The following RIMS1 variants were observed in gnomAD, a reference collection of about 807,000 sequenced individuals.
RIMS1 encodes the protein regulating synaptic membrane exocytosis 1.
A neutral mutation model predicts 214.1 loss-of-function variants in RIMS1; 83 were observed. The observed-to-expected ratio is 0.39, with a 90% CI of 0.32 to 0.47. The LOEUF is 0.47. RIMS1 is among the 20% of genes least tolerant of loss of function. The probability of loss-of-function intolerance (pLI) is 0.99; values close to 1 mark genes in which losing one functional copy is unlikely to be tolerated. For synonymous variants in RIMS1, 793 were observed against 786.8 expected (o/e 1.01, Z -0.13); for missense variants, 2,050 against 2,161.8 (o/e 0.95, Z 1.03).
At chr6:72,004,331 T>C (rs550838494) in intron 2 of RIMS1, among the ~76,000 whole-genome samples, 2 of 152,202 alleles carry the variant, frequency 1.3e-5, no homozygotes, top group Non-Finnish European at 2.9e-5. Flanking sequence ...AATAAACATA[T>C]ATGTGCATGT....
At chr6:72,303,283 T>C (rs2094817199) in intron 26 of RIMS1, among the ~76,000 whole-genome samples, 1 of 150,710 alleles carries the variant, frequency 6.6e-6, no homozygotes, top group Non-Finnish European at 1.5e-5. Context: ...TTTAAAGTCA[T>C]AGGCCTTTTA....
intron 6 of RIMS1, among the ~76,000 whole-genome samples, chr6:72,210,814 C>G (rs2053674472): frequency 6.6e-6 from 1 of 152,128 alleles, no homozygotes; most frequent in Non-Finnish European, 1.5e-5. Flanking sequence ...GAGGCACAGA[C>G]CTGTTCTATG....
At chr6:72,131,143 A>G (rs2040366387) in intron 4 of RIMS1, among the ~76,000 whole-genome samples, 1 of 152,136 alleles carries the variant, frequency 6.6e-6, no homozygotes, top group South Asian at 2.1e-4. Flanking sequence ...TCAAACTGTG[A>G]TTGGAAAGGA....
chr6:71,891,766 G>A (rs1490900611), intron 1 of RIMS1, among the ~76,000 whole-genome samples: 1 of 152,114 alleles, frequency 6.6e-6, no homozygotes, highest in East Asian at 1.9e-4. Flanking sequence ...AACCAGTGTG[G>A]GCTGGATGTG....
Position 72,179,556 on chromosome 6 carries a change from T to C in RIMS1, c.472-19T>C. Reference sequence around the variant, plus strand: ...CAAGAGGGCATAAAAATTTATATTGTTCTTTCTTCTTCAAATAGGTTATGT... The same window carrying C: ...CAAGAGGGCATAAAAATTTATATTGCTCTTTCTTCTTCAAATAGGTTATGT... On this transcript the variant is annotated intron_variant, in intron 4 of 33. Transcript: ENST00000521978. 1 of 1,580,698 alleles carries C rather than the reference T, an allele frequency of 6.3e-7. No individual in the cohort carries two copies. The highest frequency in any genetic ancestry group is 8.7e-7 in the Non-Finnish European group (1 of 1,155,244).
chr6:71,891,663 A>T (rs1404024033), intron 1 of RIMS1, among the ~76,000 whole-genome samples: 1 of 152,208 alleles, frequency 6.6e-6, no homozygotes, highest in African/African-American at 2.4e-5. Flanking sequence ...TATTTTCATT[A>T]GGGTTTGAAA....
At chr6:71,908,823 G>C (rs75110583) in intron 1 of RIMS1, among the ~76,000 whole-genome samples, 3,316 of 152,012 alleles carry the variant, frequency 0.022, 118 homozygotes, top group African/African-American at 0.074. Flanking sequence ...ATATATTTTT[G>C]TTTAGAAAAT....
intron 26 of RIMS1, among the ~76,000 whole-genome samples, chr6:72,293,900 T>C (rs903298374): frequency 2.0e-5 from 3 of 151,718 alleles, no homozygotes; most frequent in Admixed American, 2.0e-4. Context: ...ATTGGTGGAG[T>C]TACTTTGATA....
intron 2 of RIMS1, among the ~76,000 whole-genome samples, chr6:72,069,505 T>C (rs1830097447): frequency 6.6e-6 from 1 of 152,216 alleles, no homozygotes; most frequent in South Asian, 2.1e-4. Flanking sequence ...GTGGCAAAGG[T>C]AAATGAAAAA....
chr6:72,199,425 T>C (rs1392101419), intron 6 of RIMS1, among the ~76,000 whole-genome samples: 1 of 152,086 alleles, frequency 6.6e-6, no homozygotes, highest in African/African-American at 2.4e-5. Flanking sequence ...TCTAGGGTAT[T>C]TAGATGTAAT....
At chr6:72,234,199 C>T (rs748452365) in intron 7 of RIMS1, among the ~76,000 whole-genome samples, 3 of 151,608 alleles carry the variant, frequency 2.0e-5, no homozygotes, top group Non-Finnish European at 4.4e-5. Flanking sequence ...ATTTGCCAAC[C>T]ACTTTAAGAA....
intron 2 of RIMS1, among the ~76,000 whole-genome samples, chr6:72,054,092 A>G (rs899877625): frequency 3.3e-5 from 5 of 151,748 alleles, no homozygotes; most frequent in Admixed American, 3.3e-4. Context: ...CCACCCCCCA[A>G]ACTGGCCCTG....
chr6:72,311,710 G>C (rs2095520353), intron 27 of RIMS1, among the ~76,000 whole-genome samples: 1 of 152,070 alleles, frequency 6.6e-6, no homozygotes. Flanking sequence ...GAGAGGTAAA[G>C]AAATAAAAAT....
At chr6:72,279,208 A>G (rs1447441606) in intron 23 of RIMS1, among the ~76,000 whole-genome samples, 1 of 152,028 alleles carries the variant, frequency 6.6e-6, no homozygotes, top group Non-Finnish European at 1.5e-5. Flanking sequence ...AAGAAAACAC[A>G]TAGATTTTAA....
At chr6:72,199,399 T>C (rs1249315204) in intron 6 of RIMS1, among the ~76,000 whole-genome samples, 1 of 152,148 alleles carries the variant, frequency 6.6e-6, no homozygotes, top group Non-Finnish European at 1.5e-5. Flanking sequence ...TTGCACATTA[T>C]TGCCATTTTC....
At chr6:72,050,592 A>C (rs1176191176) in intron 2 of RIMS1, among the ~76,000 whole-genome samples, 1 of 151,108 alleles carries the variant, frequency 6.6e-6, no homozygotes, top group Non-Finnish European at 1.5e-5. Context: ...CAGATACTTG[A>C]CTCCCTCCTC....
chr6:72,283,951 T>A, intron 23 of RIMS1, 96 bp from the exon 24 acceptor site: 1 of 893,320 alleles, frequency 1.1e-6, no homozygotes, highest in Non-Finnish European at 1.8e-6. Flanking sequence ...TTAGGTAATA[T>A]AGTTGCCATT....
chr6:72,197,524 C>T (rs571647566), intron 6 of RIMS1, among the ~76,000 whole-genome samples: 1 of 152,146 alleles, frequency 6.6e-6, no homozygotes, highest in African/African-American at 2.4e-5. Context: ...GTGTAAAATA[C>T]TTTTTTAAGT....
At chr6:72,093,204 A>T (rs890723674) in intron 2 of RIMS1, among the ~76,000 whole-genome samples, 1 of 143,550 alleles carries the variant, frequency 7.0e-6, no homozygotes, top group Non-Finnish European at 1.5e-5. Context: ...AAGCATATGT[A>T]TGTGAGTATA....
Sources: gnomAD v4.1 joint callset for allele counts (sites outside exome capture counted in the v4.1 genomes callset) on GRCh38, gnomAD v4.1.1 for gene constraint, MANE v1.5 for transcripts, NCBI Gene and HGNC (gene_info 2026-07-23, HGNC 2026-07-21) for gene names.